The following CBLB variants were observed in gnomAD, a reference collection of about 807,000 sequenced individuals.
CBLB encodes Cbl proto-oncogene B, also known as E3 ubiquitin-protein ligase CBL-B.
CBLB carries 31 observed loss-of-function variants against 104.9 expected under a neutral mutation model. The observed-to-expected ratio is 0.30, with a 90% CI of 0.22 to 0.40. The LOEUF (loss-of-function observed/expected upper bound fraction) is 0.40. Ranked by LOEUF, CBLB falls within the 10% of genes least tolerant of loss-of-function variation. CBLB has a pLI of 1.00. For missense variants in CBLB, 1,062 were observed against 1,214.6 expected (o/e 0.87, Z 1.87); for synonymous variants, 440 against 422.6 (o/e 1.04, Z -0.51).
chr3:105,670,389 ATC>A (rs756290225), intron 17 of CBLB, 37 bp from the exon 18 acceptor site: 1 of 1,570,960 alleles, frequency 6.4e-7, no homozygotes, highest in Non-Finnish European at 8.7e-7. Context: ...TAAAAGGATG[ATC>A]TCTGTTGATT....
At chr3:105,718,191 A>G (rs2072207157) in intron 10 of CBLB, among the ~76,000 whole-genome samples, 1 of 152,210 alleles carries the variant, frequency 6.6e-6, no homozygotes, top group Non-Finnish European at 1.5e-5. Flanking sequence ...CTTAGGTCAA[A>G]AAAAATCACA....
chr3:105,763,400 G>A (rs116706997), intron 4 of CBLB, among the ~76,000 whole-genome samples: 1 of 152,158 alleles, frequency 6.6e-6, no homozygotes, highest in African/African-American at 2.4e-5. Context: ...ATCTTGAATT[G>A]TTAGCTCCCA....
chr3:105,722,198 C>CAAAAAAAAAAAAAAAAAAA (rs5851468), intron 9 of CBLB, among the ~76,000 whole-genome samples: 45 of 84,372 alleles, frequency 5.3e-4, no homozygotes, highest in South Asian at 8.8e-4. Context: ...GACCCCGTGC[C>CAAAAAAAAAAAAAAAAAAA]AAAAAAAAAA....
At chr3:105,839,227 C>G (rs781238499) in intron 3 of CBLB, among the ~76,000 whole-genome samples, 1 of 152,118 alleles carries the variant, frequency 6.6e-6, no homozygotes, top group African/African-American at 2.4e-5. Context: ...TAGAATGCAT[C>G]TGATCCATGG....
intron 4 of CBLB, among the ~76,000 whole-genome samples, chr3:105,771,197 C>T (rs1007273765): frequency 2.0e-5 from 3 of 152,244 alleles, no homozygotes; most frequent in Middle Eastern, 6.8e-3. Flanking sequence ...TAATACATCA[C>T]AATCAAGTGG....
intron 3 of CBLB, among the ~76,000 whole-genome samples, chr3:105,794,311 C>T (rs1251544979): frequency 6.6e-6 from 1 of 152,166 alleles, no homozygotes; most frequent in African/African-American, 2.4e-5. Flanking sequence ...GTCAGGCTTG[C>T]TACTGAAAAA....
chr3:105,843,227 C>T lies in CBLB; in HGVS notation c.419+10187G>A, dbSNP rs533864903. Among the ~76,000 whole-genome samples the T allele has an allele frequency of 5.3e-5, 8 of 152,244 alleles. No homozygotes were observed. In the East Asian group the frequency reaches 1.4e-3, roughly 26 times the overall value. On this transcript the variant is annotated intron_variant, in intron 3 of 18. Transcript: ENST00000394030. ...TGCCACTTTCAGAAACAATCATTTA[C>T]TCTTGTTTAAACTAAAATCCTCAAA...
Position 105,668,055 on chromosome 3 carries a change from T to C in CBLB, c.2689+2178A>G, listed in dbSNP as rs549475542. On this transcript the variant is annotated intron_variant, in intron 18 of 18. Transcript: ENST00000394030. ...TGTGAACTTCATGTGAACAAACATA[T>C]GTTGGAAAAAAGTATCTTATTTTCT... Among the ~76,000 whole-genome samples, 208 of 152,256 alleles carry C rather than the reference T, an allele frequency of 1.4e-3. 1 individual carries two copies. Among genetic ancestry groups the C allele is most frequent in the African/African-American group, 5.0e-3 (207 of 41,550 alleles).
chr3:105,733,398 T>C (rs2074556323), intron 9 of CBLB, among the ~76,000 whole-genome samples: 1 of 151,934 alleles, frequency 6.6e-6, no homozygotes, highest in Middle Eastern at 3.4e-3. Context: ...AAACCAGTTA[T>C]TCTCCAGACC....
At chr3:105,681,441 AG>A in intron 16 of CBLB, 37 bp downstream of exon 16, 1 of 1,588,274 alleles carries the variant, frequency 6.3e-7, no homozygotes, top group South Asian at 1.1e-5. Context: ...TAAAAGAAGG[AG>A]GGGTGGGTTG....
intron 3 of CBLB, among the ~76,000 whole-genome samples, chr3:105,784,953 T>G (rs1413024894): frequency 6.6e-6 from 1 of 152,232 alleles, no homozygotes; most frequent in African/African-American, 2.4e-5. Context: ...TCTCAGCCTG[T>G]TGAATTCTCA....
chr3:105,767,172 CTT>C (rs1165823648), intron 4 of CBLB, among the ~76,000 whole-genome samples: 1 of 151,830 alleles, frequency 6.6e-6, no homozygotes, highest in Admixed American at 6.6e-5. Flanking sequence ...GTTCTTTTTT[CTT>C]TCTCTTTAGA....
intron 3 of CBLB, among the ~76,000 whole-genome samples, chr3:105,793,389 G>A (rs2081914001): frequency 6.6e-6 from 1 of 151,040 alleles, no homozygotes; most frequent in African/African-American, 2.4e-5. Context: ...CTGGGATGCA[G>A]GAAGCAAGTC....
At chr3:105,741,667 T>A (rs2152883011) in intron 6 of CBLB, among the ~76,000 whole-genome samples, 1 of 152,232 alleles carries the variant, frequency 6.6e-6, no homozygotes. Flanking sequence ...AGTGCTGGGA[T>A]TACAGGCATG....
intron 6 of CBLB, among the ~76,000 whole-genome samples, chr3:105,742,746 TAC>T (rs998995798): frequency 1.3e-5 from 2 of 152,212 alleles, no homozygotes; most frequent in African/African-American, 2.4e-5. Flanking sequence ...CAGCAAAGTT[TAC>T]AGTGTATTAA....
chr3:105,663,490 G>C (rs558845572), intron 18 of CBLB, among the ~76,000 whole-genome samples: 2 of 152,082 alleles, frequency 1.3e-5, no homozygotes, highest in Non-Finnish European at 2.9e-5. Flanking sequence ...TGCCTGGGTC[G>C]TGACTGCCCT....
At chr3:105,743,303 C>T (rs1400049425) in intron 6 of CBLB, among the ~76,000 whole-genome samples, 2 of 151,310 alleles carry the variant, frequency 1.3e-5, no homozygotes, top group East Asian at 3.9e-4. Context: ...ACTAAAAATA[C>T]AAAAAAATTG....
At chr3:105,735,043 T>C (rs1246085087) in intron 8 of CBLB, among the ~76,000 whole-genome samples, 1 of 152,224 alleles carries the variant, frequency 6.6e-6, no homozygotes, top group East Asian at 1.9e-4. Flanking sequence ...ATGAAACCAA[T>C]ATTTGGGTAA....
chr3:105,669,002 T>C (rs1036379592), intron 18 of CBLB, among the ~76,000 whole-genome samples: 13 of 152,106 alleles, frequency 8.5e-5, no homozygotes, highest in African/African-American at 2.7e-4. Context: ...TTATCAGATA[T>C]TTGCATTTAG....
Sources: allele counts gnomAD v4.1 joint callset (sites outside exome capture counted in the v4.1 genomes callset), GRCh38; gene constraint gnomAD v4.1.1; transcripts MANE v1.5; gene names NCBI Gene and HGNC (gene_info 2026-07-23, HGNC 2026-07-21).